LDAH: variants seen among roughly 807,000 people sequenced by gnomAD.
LDAH encodes lipid droplet associated hydrolase, also known as lipid droplet-associated hydrolase.
Under a neutral mutation model 29.6 loss-of-function variants are expected in LDAH, and 26 were observed. The observed-to-expected ratio is 0.88, with a 90% CI of 0.64 to 1.22. The LOEUF (loss-of-function observed/expected upper bound fraction) is 1.22, where lower values mean the gene tolerates loss of function less well. Among genes scored for constraint, LDAH ranks in the 50% most tolerant of loss-of-function variants. The probability of loss-of-function intolerance (pLI) is 0.00; values close to 1 mark genes in which losing one functional copy is unlikely to be tolerated. For missense variants in LDAH, 344 were observed against 387.3 expected (o/e 0.89, Z 0.94); for synonymous variants, 117 against 133.0 (o/e 0.88, Z 0.83).
At chr2:20,692,733 C>T (rs566410092) in intron 6 of LDAH, among the ~76,000 whole-genome samples, 2 of 152,230 alleles carry the variant, frequency 1.3e-5, no homozygotes, top group African/African-American at 2.4e-5. Context: ...ATGTTTCCAA[C>T]GAGAAATCCA....
At chr2:20,774,782 CCA>C (rs774251767) in intron 4 of LDAH, 26 bp downstream of exon 4, 1 of 1,610,880 alleles carries the variant, frequency 6.2e-7, no homozygotes, top group Non-Finnish European at 8.5e-7. Context: ...AGTCCAGCAC[CCA>C]CAGTTACCTC....
chr2:20,788,529 A>G (rs577312848), intron 3 of LDAH, among the ~76,000 whole-genome samples: 2 of 152,352 alleles, frequency 1.3e-5, no homozygotes, highest in African/African-American at 4.8e-5. Flanking sequence ...CAATGTCTAA[A>G]AGAATCATGC....
intron 5 of LDAH, among the ~76,000 whole-genome samples, chr2:20,702,976 G>A (rs959300004): frequency 3.9e-5 from 6 of 152,148 alleles, no homozygotes; most frequent in East Asian, 1.9e-4. Context: ...ACAGGCATGC[G>A]CCACCACACT....
intron 2 of LDAH, among the ~76,000 whole-genome samples, chr2:20,799,460 C>CT (rs751697073): frequency 6.6e-6 from 1 of 152,048 alleles, no homozygotes; most frequent in Non-Finnish European, 1.5e-5. Flanking sequence ...AGTACATTCA[C>CT]TTTGAGTATT....
Position 20,684,761 on chromosome 2 carries a change from C to T in LDAH, c.*2142G>A. The stretch of plus-strand genomic sequence containing the variant: ...CTCAATCGCTGAGCACTCGGTAACT[C>T]TGCAGGAAGTTAAAACTTTCACAAA... On this transcript the variant is annotated 3_prime_UTR_variant, in exon 7 of 7. Transcript: ENST00000237822. 1 of 1,142,024 alleles carries T rather than the reference C, an allele frequency of 8.8e-7. No individual in the cohort carries two copies. Among genetic ancestry groups the T allele is most frequent in the Non-Finnish European group, 1.2e-6 (1 of 814,606 alleles). The allele number at this position is 1,142,024 out of a possible 1,614,324, so 70.7% of individuals were successfully genotyped here. A position where few individuals can be genotyped will look rare whatever the true frequency, so the allele number is the denominator to read the frequency against.
intron 5 of LDAH, among the ~76,000 whole-genome samples, chr2:20,729,610 G>A (rs1666257800): frequency 6.6e-6 from 1 of 152,132 alleles, no homozygotes; most frequent in Non-Finnish European, 1.5e-5. Context: ...ACCTATCCCA[G>A]GGAGGAAAGT....
chr2:20,805,377 T>C (rs1331714877), intron 1 of LDAH, among the ~76,000 whole-genome samples: 7 of 152,166 alleles, frequency 4.6e-5, no homozygotes, highest in Admixed American at 3.9e-4. Context: ...TTTACTTCAC[T>C]CTCGTATTTC....
At chr2:20,734,687 GAGA>G (rs1476950905) in intron 5 of LDAH, among the ~76,000 whole-genome samples, 1 of 152,156 alleles carries the variant, frequency 6.6e-6, no homozygotes, top group African/African-American at 2.4e-5. Context: ...GAAATCTCAA[GAGA>G]AGAAGAAAGT....
At chr2:20,818,806 A>G (rs1243580247) in intron 1 of LDAH, among the ~76,000 whole-genome samples, 1 of 152,184 alleles carries the variant, frequency 6.6e-6, no homozygotes, top group East Asian at 1.9e-4. Context: ...AATCCAAAAA[A>G]CAAACTGCAA....
Position 20,757,192 on chromosome 2 carries a change from T to C in LDAH, c.469-16987A>G, listed in dbSNP as rs145902489. On this transcript the variant is annotated intron_variant, in intron 4 of 6. Coordinates refer to ENST00000237822, the MANE Select transcript of LDAH (RefSeq NM_021925.4). Reference sequence around the variant, plus strand: ...GAAGTAGCTTTTCTTTGTTATTTGCTGATTTGCAAGCAGTAGCTAAGAAGC... The same window carrying C: ...GAAGTAGCTTTTCTTTGTTATTTGCCGATTTGCAAGCAGTAGCTAAGAAGC... 6.6e-5 allele frequency among the ~76,000 whole-genome samples: 10 copies of C among 152,326 alleles called. No individual in the cohort carries two copies. The East Asian group carries it at 1.9e-3, about 29-fold the overall frequency.
chr2:20,709,878 A>T (rs1456627607), intron 5 of LDAH, among the ~76,000 whole-genome samples: 3 of 152,208 alleles, frequency 2.0e-5, no homozygotes, highest in Non-Finnish European at 2.9e-5. Context: ...ACATTATGCT[A>T]AGTGAAAGAA....
chr2:20,792,576 T>C (rs1671042449), intron 2 of LDAH, among the ~76,000 whole-genome samples: 1 of 152,202 alleles, frequency 6.6e-6, no homozygotes, highest in Admixed American at 6.5e-5. Context: ...CTCTATAAAG[T>C]AGTTGGCATT....
intron 5 of LDAH, among the ~76,000 whole-genome samples, chr2:20,708,429 G>C (rs923185141): frequency 6.6e-6 from 1 of 152,128 alleles, no homozygotes; most frequent in Admixed American, 6.5e-5. Context: ...AATATTTATA[G>C]AAGTACAAAA....
chr2:20,711,582 G>A lies in LDAH; in HGVS notation c.704-9930C>T, dbSNP rs554895038. On this transcript the variant is annotated intron_variant, in intron 5 of 6. Coordinates refer to ENST00000237822, the MANE Select transcript of LDAH (RefSeq NM_021925.4). ...GGAGGGTGAGCCAAAGCAGGGCGGG[G>A]CATCGCCTCACCCCAGAAACACAAG... Among the ~76,000 whole-genome samples the A allele has an allele frequency of 3.3e-5, 5 of 152,292 alleles. No homozygotes were observed. The South Asian group carries it at 1.0e-3, about 32-fold the overall frequency.
At chr2:20,747,738 G>C (rs933691380) in intron 4 of LDAH, among the ~76,000 whole-genome samples, 1 of 152,102 alleles carries the variant, frequency 6.6e-6, no homozygotes, top group African/African-American at 2.4e-5. Flanking sequence ...AATATGCCTC[G>C]CAGGGAAGTA....
At chr2:20,747,919 G>A (rs1323975495) in intron 4 of LDAH, among the ~76,000 whole-genome samples, 3 of 152,126 alleles carry the variant, frequency 2.0e-5, no homozygotes, top group African/African-American at 7.2e-5. Context: ...ATTAAAGCAG[G>A]ATGATTTCTG....
At chr2:20,715,641 C>G (rs1019754525) in intron 5 of LDAH, among the ~76,000 whole-genome samples, 7 of 152,224 alleles carry the variant, frequency 4.6e-5, no homozygotes, top group Admixed American at 4.6e-4. Flanking sequence ...CCCATTGTCT[C>G]AGCCCAAAAT....
chr2:20,683,154 G>A (rs1355485012), downstream of LDAH, among the ~76,000 whole-genome samples: 1 of 152,148 alleles, frequency 6.6e-6, no homozygotes, highest in African/African-American at 2.4e-5. Context: ...AGTGACGCCG[G>A]TCTTGCTCTA....
chr2:20,729,124 C>T (rs1010158460), intron 5 of LDAH, among the ~76,000 whole-genome samples: 5 of 152,230 alleles, frequency 3.3e-5, no homozygotes, highest in African/African-American at 9.6e-5. Context: ...ATGTCTTATG[C>T]CTAAACTGTC....
Sources: gnomAD v4.1 joint callset for allele counts (sites outside exome capture counted in the v4.1 genomes callset) on GRCh38, gnomAD v4.1.1 for gene constraint, MANE v1.5 for transcripts, NCBI Gene and HGNC (gene_info 2026-07-23, HGNC 2026-07-21) for gene names.